Variants in GARS1 observed in about 807,000 individuals in gnomAD.
GARS1 encodes glycyl-tRNA synthetase 1.
GARS1 carries 46 observed loss-of-function variants against 86.4 expected under a neutral mutation model. The observed-to-expected ratio is 0.53, with a 90% CI of 0.42 to 0.68. The LOEUF (loss-of-function observed/expected upper bound fraction) is 0.68, where lower values mean the gene tolerates loss of function less well. Among genes scored for constraint, GARS1 ranks in the 30% least tolerant of loss-of-function variants. GARS1 has a pLI of 0.00. For missense variants in GARS1, 797 were observed against 915.6 expected (o/e 0.87, Z 1.67); for synonymous variants, 342 against 329.8 (o/e 1.04, Z -0.40).
rs1221871834 is a variant in GARS1, at chr7:30,628,617, A to G, written c.1757A>G (p.Tyr586Cys). ...EPSFGLGRIM[Y>C]TVFEHTFHVR... is the part of the protein sequence containing the mutation. Reference sequence around the variant, plus strand: ...TCCTTCGGCCTGGGTAGGATCATGTATACGGTATTTGAACATACATTCCAT... The same window carrying G: ...TCCTTCGGCCTGGGTAGGATCATGTGTACGGTATTTGAACATACATTCCAT... The change falls in exon 14 of 17, where the codon TAT becomes TGT. Residue 586 changes from tyrosine to cysteine, a missense_variant. Tyr to Cys is a radical substitution (Grantham distance 194). This residue lies in a region of GARS1 where 598 missense variants were observed against 738.7 expected (regional missense o/e 0.81). Coordinates refer to ENST00000389266, the MANE Select transcript of GARS1 (RefSeq NM_002047.4). 1.2e-6 allele frequency: 2 copies of G among 1,613,176 alleles called. No homozygotes were observed. The highest frequency in any genetic ancestry group is 1.3e-5 in the African/African-American group (1 of 75,048).
At chr7:30,616,295 A>G (rs1782888892) in intron 9 of GARS1, among the ~76,000 whole-genome samples, 1 of 152,228 alleles carries the variant, frequency 6.6e-6, no homozygotes, top group Non-Finnish European at 1.5e-5. Context: ...TTAGCAGAGC[A>G]CTTGGAAAAT....
chr7:30,603,825 A>G (rs896573326), intron 6 of GARS1, among the ~76,000 whole-genome samples: 7 of 152,182 alleles, frequency 4.6e-5, no homozygotes, highest in Admixed American at 2.6e-4. Context: ...CTTGGAAACT[A>G]CTTTTCTGGA....
chr7:30,600,979 T>C, intron 3 of GARS1, 80 bp from the exon 4 acceptor site: 2 of 1,276,618 alleles, frequency 1.6e-6, no homozygotes, highest in Non-Finnish European at 2.3e-6. Context: ...GGAGTATAGG[T>C]ATCAGTTTCT....
intron 7 of GARS1, among the ~76,000 whole-genome samples, chr7:30,611,020 G>A (rs1791588642): frequency 6.6e-6 from 1 of 152,074 alleles, no homozygotes. Context: ...ACAATTTTAG[G>A]GTTTTTAGCC....
At position 30,617,596 on chromosome 7, in the gene GARS1, C is replaced by G. The variant is rs148767839; in HGVS notation, c.1359+318C>G. 7.9e-5 allele frequency among the ~76,000 whole-genome samples: 12 copies of G among 152,234 alleles called. No homozygotes were observed. In the East Asian group the frequency reaches 2.1e-3, roughly 27 times the overall value. On this transcript the variant is annotated intron_variant, in intron 10 of 16. Transcript: ENST00000389266. ...TCTAAGACACATTGGCCTCTCCTTC[C>G]TGGCAAGAGTCCCAGCAAACATTGG... is the stretch of plus-strand genomic sequence containing the variant.
In GARS1 at chr7:30,628,641, A is replaced by G. The variant is rs1783176025; in HGVS notation, c.1781A>G (p.His594Arg). The change falls in exon 14 of 17, where the codon CAT becomes CGT. Residue 594 changes from histidine to arginine, a missense_variant. Physicochemically the swap from His to Arg is conservative, Grantham distance 29 (BLOSUM62 0). This residue lies in a region of GARS1 where 598 missense variants were observed against 738.7 expected (regional missense o/e 0.81). Transcript: ENST00000389266. ...TATACGGTATTTGAACATACATTCC[A>G]TGTACGAGAAGGAGATGAACAGAGA... ...IMYTVFEHTF[H>R]VREGDEQRTF... 6.2e-7 allele frequency: 1 copy of G among 1,611,840 alleles called. No individual in the cohort carries two copies. The highest frequency in any genetic ancestry group is 8.5e-7 in the Non-Finnish European group (1 of 1,178,064).
At chr7:30,622,227 G>T in intron 11 of GARS1, 90 bp from the exon 12 acceptor site, 2 of 1,489,280 alleles carry the variant, frequency 1.3e-6, no homozygotes, top group East Asian at 2.3e-5. Flanking sequence ...GAGCTGGCAT[G>T]GTTTTAAGTT....
At chr7:30,631,789 C>T (rs761210155) in intron 15 of GARS1, among the ~76,000 whole-genome samples, 2 of 152,204 alleles carry the variant, frequency 1.3e-5, no homozygotes, top group African/African-American at 2.4e-5. Context: ...TTATTTACTT[C>T]TCATACTGAC....
intron 5 of GARS1, 53 bp downstream of exon 5, chr7:30,603,175 CT>C: frequency 6.9e-7 from 1 of 1,452,590 alleles, no homozygotes; most frequent in Non-Finnish European, 9.7e-7. Flanking sequence ...AAGGTTTAAA[CT>C]TTCTCTCAGA....
intron 6 of GARS1, among the ~76,000 whole-genome samples, chr7:30,608,980 A>T (rs1791537923): frequency 6.6e-6 from 1 of 152,212 alleles, no homozygotes; most frequent in Non-Finnish European, 1.5e-5. Flanking sequence ...GTCACTTGAA[A>T]TTCTTAAATT....
chr7:30,633,673 A>C (rs1783279474), intron 16 of GARS1, 62 bp from the exon 17 acceptor site: 1 of 1,586,908 alleles, frequency 6.3e-7, no homozygotes, highest in African/African-American at 1.3e-5. Context: ...TTCAGGATGA[A>C]TCTTCTTCTT....
intron 16 of GARS1, 113 bp from the exon 17 acceptor site, chr7:30,633,622 C>A (rs1783279010): frequency 9.3e-6 from 12 of 1,285,418 alleles, no homozygotes; most frequent in Non-Finnish European, 1.3e-5. Flanking sequence ...TGAACCCATG[C>A]CTGGCATGAC....
chr7:30,606,228 G>A (rs947773846), intron 6 of GARS1, among the ~76,000 whole-genome samples: 1 of 151,558 alleles, frequency 6.6e-6, no homozygotes, highest in Non-Finnish European at 1.5e-5. Flanking sequence ...TCTGTGGGCT[G>A]TGGCCATTGA....
chr7:30,595,131 A>G lies in GARS1; in HGVS notation c.210A>G (p.Ala70=). 1 of 1,538,204 alleles carries G rather than the reference A, an allele frequency of 6.5e-7. No homozygotes were observed. The change falls in exon 1 of 17, where the codon GCA becomes GCG. Residue 70 remains alanine, a synonymous_variant. Transcript: ENST00000389266. ...AGGTGCTGGCACCTCTGAGGCTAGC[A>G]GTGCGCCAGCAGGTACCGGTGTTTT... ...AEEVLAPLRL[A]VRQQGDLVRK... is the part of the protein sequence containing the mutation.
chr7:30,605,242 C>A (rs942109844), intron 6 of GARS1, among the ~76,000 whole-genome samples: 2 of 152,228 alleles, frequency 1.3e-5, no homozygotes, highest in East Asian at 3.9e-4. Flanking sequence ...CCTGATTCAC[C>A]TTCTGTGGTA....
chr7:30,621,815 G>A (rs753425394), intron 11 of GARS1: 8 of 436,936 alleles, frequency 1.8e-5, no homozygotes, highest in South Asian at 2.8e-5. Context: ...ACCTACCTAC[G>A]TGCTCTTTAA....
chr7:30,628,761 G>A (rs1783180707), intron 14 of GARS1, 92 bp downstream of exon 14: 12 of 779,208 alleles, frequency 1.5e-5, no homozygotes, highest in Admixed American at 1.3e-4. Context: ...ACTCTAGAAT[G>A]GTCAATTAGT....
chr7:30,622,098 A>T, intron 11 of GARS1: 2 of 574,596 alleles, frequency 3.5e-6, no homozygotes, highest in Admixed American at 5.7e-5. Context: ...TCTCACTGTA[A>T]CTGGAAAAGT....
chr7:30,625,724 A>G (rs143397875), intron 12 of GARS1, among the ~76,000 whole-genome samples: 1 of 152,338 alleles, frequency 6.6e-6, no homozygotes, highest in African/African-American at 2.4e-5. Flanking sequence ...AGAAACATTA[A>G]ACTTCTTTTA....
Sources: gnomAD v4.1 joint callset for allele counts (sites outside exome capture counted in the v4.1 genomes callset) on GRCh38, gnomAD v4.1.1 for gene constraint, gnomAD v4.1.1 regional missense constraint, MANE v1.5 for transcripts, NCBI Gene and HGNC (gene_info 2026-07-23, HGNC 2026-07-21) for gene names.